The following BACE2 variants were observed in gnomAD, a reference collection of about 807,000 sequenced individuals.
BACE2 encodes 56 kDa aspartic-like protease.
A neutral mutation model predicts 46.2 loss-of-function variants in BACE2; 17 were observed. The ratio of observed to expected loss-of-function variants is 0.37; its 90% CI spans 0.25 to 0.55. The LOEUF (loss-of-function observed/expected upper bound fraction) is 0.55. Ranked by LOEUF, BACE2 falls within the 20% of genes least tolerant of loss-of-function variation. BACE2 has a pLI of 0.82. For missense variants in BACE2, 595 were observed against 698.1 expected (o/e 0.85, Z 1.66); for synonymous variants, 277 against 295.9 (o/e 0.94, Z 0.66).
intron 7 of BACE2, among the ~76,000 whole-genome samples, chr21:41,251,378 C>G (rs1029188203): frequency 1.3e-5 from 2 of 152,188 alleles, no homozygotes; most frequent in Admixed American, 1.3e-4. Context: ...GGAAAAGATG[C>G]CCCTCGCACT....
chr21:41,268,658 A>G (rs1426027193), intron 8 of BACE2, among the ~76,000 whole-genome samples: 1 of 152,188 alleles, frequency 6.6e-6, no homozygotes, highest in African/African-American at 2.4e-5. Flanking sequence ...TGGTGGGAGG[A>G]TGGCTTGAGT....
chr21:41,245,937 C>G, intron 5 of BACE2, 25 bp from the exon 6 acceptor site: 1 of 1,576,650 alleles, frequency 6.3e-7, no homozygotes, highest in Non-Finnish European at 8.6e-7. Flanking sequence ...ACTCACGCAC[C>G]TTTCCCTTTC....
At chr21:41,240,627 G>A (rs996920150) in intron 3 of BACE2, among the ~76,000 whole-genome samples, 1 of 152,200 alleles carries the variant, frequency 6.6e-6, no homozygotes, top group Non-Finnish European at 1.5e-5. Context: ...CAAGAAGGTG[G>A]GTAGAACACC....
intron 6 of BACE2, 28 bp downstream of exon 6, chr21:41,246,091 C>G (rs1214118626): frequency 6.4e-7 from 1 of 1,556,450 alleles, no homozygotes; most frequent in South Asian, 1.2e-5. Context: ...TCACGGGTCC[C>G]CGAGTTGCTG....
chr21:41,219,885 C>T (rs1986586886), intron 1 of BACE2, among the ~76,000 whole-genome samples: 1 of 152,204 alleles, frequency 6.6e-6, no homozygotes, highest in Non-Finnish European at 1.5e-5. Flanking sequence ...CTGCGACAGA[C>T]ACCAGCTGCG....
chr21:41,272,929 G>A (rs565195488), intron 8 of BACE2, among the ~76,000 whole-genome samples: 107 of 152,238 alleles, frequency 7.0e-4, no homozygotes, highest in Non-Finnish European at 1.4e-3. Flanking sequence ...ATTTCACGTA[G>A]GTTCTTTTCT....
intron 3 of BACE2, 22 bp from the exon 4 acceptor site, chr21:41,241,797 C>A: frequency 6.2e-7 from 1 of 1,613,702 alleles, no homozygotes; most frequent in South Asian, 1.1e-5. Context: ...AGCGGGTGCC[C>A]CTCTCTGTCG....
intron 8 of BACE2, among the ~76,000 whole-genome samples, chr21:41,263,555 A>G (rs755236592): frequency 7.2e-5 from 11 of 152,194 alleles, no homozygotes; most frequent in Non-Finnish European, 1.6e-4. Context: ...AGACTGTGAA[A>G]GGTAAATTTT....
At chr21:41,255,477 T>A (rs1010939622) in intron 7 of BACE2, among the ~76,000 whole-genome samples, 4 of 152,176 alleles carry the variant, frequency 2.6e-5, no homozygotes, top group African/African-American at 9.7e-5. Flanking sequence ...TGCAGCCCTC[T>A]TAGAGTCCAA....
chr21:41,213,365 T>G (rs1986356320), intron 1 of BACE2, among the ~76,000 whole-genome samples: 1 of 152,206 alleles, frequency 6.6e-6, no homozygotes, highest in Admixed American at 6.5e-5. Context: ...GGCAACAGCC[T>G]TTGTACGGTT....
At position 41,190,560 on chromosome 21, in the gene BACE2, G is replaced by A. The variant is rs545905119; in HGVS notation, c.312+21985G>A. ...GTGGTTGTAGCCGGTATTGATGACT[G>A]CCTTCTTCTACTACCCATTCTGTAT... On this transcript the variant is annotated intron_variant, in intron 1 of 8. Transcript: ENST00000330333. Among the ~76,000 whole-genome samples, 16 of 152,318 alleles carry A rather than the reference G, an allele frequency of 1.1e-4. No homozygotes were observed. In the South Asian group the frequency reaches 3.1e-3, roughly 30 times the overall value.
intron 3 of BACE2, 115 bp from the exon 4 acceptor site, chr21:41,241,704 G>GA: frequency 7.9e-7 from 1 of 1,269,504 alleles, no homozygotes; most frequent in South Asian, 1.4e-5. Flanking sequence ...GTTGAACCAT[G>GA]AAAAAATTGA....
At chr21:41,197,128 G>A (rs900915453) in intron 1 of BACE2, among the ~76,000 whole-genome samples, 24 of 151,628 alleles carry the variant, frequency 1.6e-4, no homozygotes, top group African/African-American at 5.1e-4. Context: ...CACCCAACTC[G>A]TTTTTAGTTT....
chr21:41,250,674 G>T, intron 6 of BACE2, 78 bp from the exon 7 acceptor site: 1 of 1,397,072 alleles, frequency 7.2e-7, no homozygotes, highest in South Asian at 1.2e-5. Context: ...CTGGCGAGGT[G>T]GCTAGGAAAG....
chr21:41,227,811 G>A (rs1986862286), intron 2 of BACE2, among the ~76,000 whole-genome samples: 1 of 150,262 alleles, frequency 6.7e-6, no homozygotes, highest in Non-Finnish European at 1.5e-5. Flanking sequence ...AAGTCGTGGT[G>A]GTGTTTCTCT....
chr21:41,242,353 C>CTG (rs952154567), intron 4 of BACE2, among the ~76,000 whole-genome samples: 1 of 151,772 alleles, frequency 6.6e-6, no homozygotes, highest in African/African-American at 2.4e-5. Flanking sequence ...CTCTCTCTCT[C>CTG]TCTCAACACA....
At chr21:41,225,111 G>A (rs1187373512) in intron 1 of BACE2, among the ~76,000 whole-genome samples, 1 of 151,888 alleles carries the variant, frequency 6.6e-6, no homozygotes, top group Non-Finnish European at 1.5e-5. Flanking sequence ...GCGGGCACCT[G>A]TAGTCCTAGC....
At chr21:41,212,325 C>G (rs58242344) in intron 1 of BACE2, among the ~76,000 whole-genome samples, 5,343 of 152,288 alleles carry the variant, frequency 0.035, 278 homozygotes, top group African/African-American at 0.12. Flanking sequence ...TAGGGCCCCA[C>G]ACTCATGATC....
At chr21:41,198,790 C>T (rs1034110300) in intron 1 of BACE2, among the ~76,000 whole-genome samples, 1 of 152,060 alleles carries the variant, frequency 6.6e-6, no homozygotes, top group African/African-American at 2.4e-5. Context: ...GAGCTTCAAC[C>T]GAATAACCAT....
Sources: allele counts gnomAD v4.1 joint callset (sites outside exome capture counted in the v4.1 genomes callset), GRCh38; gene constraint gnomAD v4.1.1; transcripts MANE v1.5; gene names NCBI Gene and HGNC (gene_info 2026-07-23, HGNC 2026-07-21).